PRR5L: variants seen among roughly 807,000 people sequenced by gnomAD.
PRR5L encodes proline rich 5 like, also known as proline-rich protein 5-like.
PRR5L carries 21 observed loss-of-function variants against 36.4 expected under a neutral mutation model. That is an observed-to-expected ratio of 0.58 (90% CI 0.41 to 0.83). PRR5L has a LOEUF of 0.83. Ranked by LOEUF, PRR5L falls within the 40% of genes least tolerant of loss-of-function variation. The pLI is 0.00. For synonymous variants in PRR5L, 188 were observed against 197.0 expected (o/e 0.95, Z 0.38); for missense variants, 381 against 473.3 (o/e 0.80, Z 1.81).
chr11:36,341,035 C>T (rs1439317289), intron 1 of PRR5L, among the ~76,000 whole-genome samples: 1 of 152,160 alleles, frequency 6.6e-6, no homozygotes, highest in Non-Finnish European at 1.5e-5. Context: ...AAATGTAATC[C>T]ATCTCCATCC....
At chr11:36,384,336 TC>T (rs1857421027) in intron 1 of PRR5L, among the ~76,000 whole-genome samples, 1 of 152,244 alleles carries the variant, frequency 6.6e-6, no homozygotes, top group Non-Finnish European at 1.5e-5. Flanking sequence ...TTGTCCATCT[TC>T]AATTACAGCC....
intron 1 of PRR5L, among the ~76,000 whole-genome samples, chr11:36,366,578 T>C (rs1857146054): frequency 6.6e-6 from 1 of 152,248 alleles, no homozygotes. Flanking sequence ...TTTATAAATG[T>C]GATTTTAGGT....
chr11:36,396,989 C>T (rs55667502), intron 1 of PRR5L, among the ~76,000 whole-genome samples: 3,655 of 152,058 alleles, frequency 0.024, 81 homozygotes, highest in Non-Finnish European at 0.033. Context: ...AATGAGGCAC[C>T]AGTCAATGAT....
At chr11:36,451,056 C>A (rs1223178653) in intron 7 of PRR5L, among the ~76,000 whole-genome samples, 153 bp from the exon 8 acceptor site, 5 of 152,212 alleles carry the variant, frequency 3.3e-5, no homozygotes, top group Non-Finnish European at 5.9e-5. Context: ...AGGCTTCAGG[C>A]CTCAGTTTCC....
chr11:36,308,016 T>C (rs925145944), intron 1 of PRR5L, among the ~76,000 whole-genome samples: 2 of 152,196 alleles, frequency 1.3e-5, no homozygotes, highest in Admixed American at 6.5e-5. Flanking sequence ...GAACCAATCA[T>C]TGGCAAGGTG....
intron 1 of PRR5L, among the ~76,000 whole-genome samples, chr11:36,345,474 C>A (rs1287749638): frequency 6.6e-6 from 1 of 152,046 alleles, no homozygotes; most frequent in East Asian, 1.9e-4. Context: ...TTCAGGAATT[C>A]TGTGCATGCC....
chr11:36,341,358 C>T (rs112171824), intron 1 of PRR5L, among the ~76,000 whole-genome samples: 78 of 152,218 alleles, frequency 5.1e-4, no homozygotes, highest in African/African-American at 1.6e-3. Flanking sequence ...AAGGGGGTGA[C>T]GGCTGTCCAA....
chr11:36,376,097 C>A, intron 1 of PRR5L: 3 of 1,252,448 alleles, frequency 2.4e-6, no homozygotes, highest in South Asian at 1.3e-5. Flanking sequence ...GCTGCATCCT[C>A]CTCGGCAATT....
intron 1 of PRR5L, among the ~76,000 whole-genome samples, chr11:36,341,134 T>C (rs372654889): frequency 2.0e-5 from 3 of 152,060 alleles, no homozygotes; most frequent in African/African-American, 7.2e-5. Flanking sequence ...TTTATGCCAA[T>C]ATCCACGGTG....
At chr11:36,328,842 T>C (rs1044187294) in intron 1 of PRR5L, among the ~76,000 whole-genome samples, 10 of 152,228 alleles carry the variant, frequency 6.6e-5, no homozygotes, top group African/African-American at 1.9e-4. Context: ...TCTGGTTCTC[T>C]TCATTCCCTC....
chr11:36,447,867 T>C (rs1202147032), intron 7 of PRR5L, among the ~76,000 whole-genome samples: 1 of 152,024 alleles, frequency 6.6e-6, no homozygotes, highest in Non-Finnish European at 1.5e-5. Context: ...GATAGAAAAA[T>C]GCATGTGGGG....
Position 36,465,075 on chromosome 11 carries a change from A to G in PRR5L, c.*2339A>G, listed in dbSNP as rs1416156858. On this transcript the variant is annotated 3_prime_UTR_variant, in exon 9 of 9. Coordinates refer to ENST00000530639, the MANE Select transcript of PRR5L (RefSeq NM_001160167.2). ...TCTCCTAGATTCATTTTCATTATTT[A>G]TGCTAGGATTTTCTTATGGTTGACA... 2.0e-5 allele frequency: 3 copies of G among 152,106 alleles called. No homozygotes were observed. The highest frequency in any genetic ancestry group is 4.8e-5 in the African/African-American group (2 of 41,398). 9.4% of individuals were successfully genotyped at this position (152,106 alleles called of 1,614,324 possible).
chr11:36,448,048 G>A (rs909280684), intron 7 of PRR5L, among the ~76,000 whole-genome samples: 14 of 152,076 alleles, frequency 9.2e-5, no homozygotes, highest in South Asian at 2.1e-4. Flanking sequence ...GGGCGGTGGC[G>A]GTTTGTTTGG....
intron 1 of PRR5L, among the ~76,000 whole-genome samples, chr11:36,302,379 G>A (rs1856385896): frequency 6.6e-6 from 1 of 152,200 alleles, no homozygotes; most frequent in Non-Finnish European, 1.5e-5. Context: ...AGTGTCAAAT[G>A]TGAAGCAGAG....
intron 6 of PRR5L, among the ~76,000 whole-genome samples, chr11:36,437,846 C>T (rs1231220627): frequency 6.6e-6 from 1 of 151,796 alleles, no homozygotes; most frequent in Non-Finnish European, 1.5e-5. Flanking sequence ...TCTCCCCCTA[C>T]TTTTTTTTGT....
chr11:36,368,463 A>G (rs1857167140), intron 1 of PRR5L, among the ~76,000 whole-genome samples: 1 of 152,218 alleles, frequency 6.6e-6, no homozygotes, highest in Non-Finnish European at 1.5e-5. Context: ...TCAGCAGAAA[A>G]GCAGAGTTCA....
intron 1 of PRR5L, among the ~76,000 whole-genome samples, chr11:36,338,179 C>T (rs528604560): frequency 3.3e-5 from 5 of 152,322 alleles, no homozygotes; most frequent in African/African-American, 1.2e-4. Flanking sequence ...GTAGTCTCTA[C>T]CATAGCCTGG....
chr11:36,401,309 G>C (rs1029529257), intron 2 of PRR5L, 24 bp downstream of exon 2: 2 of 1,604,762 alleles, frequency 1.2e-6, no homozygotes, highest in African/African-American at 2.7e-5. Flanking sequence ...CAGGATGTGG[G>C]GTGGAGGGCT....
intron 1 of PRR5L, among the ~76,000 whole-genome samples, chr11:36,355,838 C>G (rs1221275217): frequency 6.6e-6 from 1 of 151,856 alleles, no homozygotes; most frequent in Non-Finnish European, 1.5e-5. Flanking sequence ...GCTGGGATTA[C>G]AGGGGTGAGC....
Sources: gnomAD v4.1 joint callset for allele counts (sites outside exome capture counted in the v4.1 genomes callset) on GRCh38, gnomAD v4.1.1 for gene constraint, MANE v1.5 for transcripts, NCBI Gene and HGNC (gene_info 2026-07-23, HGNC 2026-07-21) for gene names.